Variants in CLYBL observed in about 807,000 individuals in gnomAD.
The protein encoded by CLYBL is citramalyl-CoA lyase, mitochondrial.
CLYBL carries 31 observed loss-of-function variants against 38.9 expected under a neutral mutation model. The ratio of observed to expected loss-of-function variants is 0.80; its 90% CI spans 0.60 to 1.08. The LOEUF is 1.08. Ranked by LOEUF, CLYBL falls within the 50% of genes least tolerant of loss-of-function variation. The pLI is 0.00. For missense variants in CLYBL, 434 were observed against 411.6 expected, an observed-to-expected ratio of 1.05 and a Z score of -0.47; for synonymous variants, 171 against 158.6, an observed-to-expected ratio of 1.08 and a Z score of -0.59.
At chr13:99,733,809 G>A (rs1004386579) in intron 1 of CLYBL, among the ~76,000 whole-genome samples, 2 of 152,208 alleles carry the variant, frequency 1.3e-5, no homozygotes, top group Non-Finnish European at 2.9e-5. Context: ...TGAAAGGTGG[G>A]GAGCAGTGCA....
intron 1 of CLYBL, among the ~76,000 whole-genome samples, chr13:99,681,947 G>A (rs750245989): frequency 3.3e-5 from 5 of 152,014 alleles, no homozygotes; most frequent in Admixed American, 2.6e-4. Flanking sequence ...ATGAGAATAC[G>A]TCTTGAGAAA....
intron 1 of CLYBL, among the ~76,000 whole-genome samples, chr13:99,609,145 G>A (rs1452575473): frequency 1.4e-5 from 2 of 145,924 alleles, no homozygotes; most frequent in East Asian, 2.0e-4. Flanking sequence ...CCTCAGGCTG[G>A]ACAATGTCAA....
intron 1 of CLYBL, among the ~76,000 whole-genome samples, chr13:99,661,030 A>G (rs965051041): frequency 6.6e-6 from 1 of 152,182 alleles, no homozygotes; most frequent in Non-Finnish European, 1.5e-5. Flanking sequence ...AATTTTAGTG[A>G]TTTTAGTAGA....
chr13:99,796,564 GA>G (rs2138917358), intron 2 of CLYBL, among the ~76,000 whole-genome samples: 1 of 152,338 alleles, frequency 6.6e-6, no homozygotes, highest in African/African-American at 2.4e-5. Context: ...ACAGATGACA[GA>G]TAAGGAAAGT....
chr13:99,876,560 T>C (rs1198414164), intron 7 of CLYBL, among the ~76,000 whole-genome samples: 2 of 152,218 alleles, frequency 1.3e-5, no homozygotes, highest in East Asian at 3.8e-4. Context: ...GTTCATATTT[T>C]TCCGGGTTTT....
intron 1 of CLYBL, chr13:99,726,618 G>C (rs560169911): frequency 6.6e-6 from 1 of 152,320 alleles, no homozygotes; most frequent in Non-Finnish European, 1.5e-5. Flanking sequence ...GAAAAGGGAA[G>C]AGCCAGCAGC....
chr13:99,625,552 C>G (rs1223499407), intron 1 of CLYBL, among the ~76,000 whole-genome samples: 1 of 152,136 alleles, frequency 6.6e-6, no homozygotes, highest in Non-Finnish European at 1.5e-5. Context: ...TGGTTTACTA[C>G]TTGATGCGAT....
In CLYBL at chr13:99,870,842, G is replaced by A. The variant is rs2139250541; in HGVS notation, c.803-96G>A. 7.0e-6 allele frequency: 9 copies of A among 1,281,380 alleles called. No individual in the cohort carries two copies. In the South Asian group the frequency reaches 1.2e-4, roughly 16 times the overall value. 79.4% of individuals were successfully genotyped at this position (1,281,380 alleles called of 1,614,324 possible). A position where few individuals can be genotyped will look rare whatever the true frequency, so the allele number is the denominator to read the frequency against. The stretch of plus-strand genomic sequence containing the variant: ...TTTTAAATTAGTTATTTAACATACA[G>A]TCTATGAGGCCTTCAGGAACCTCAC... On this transcript the variant is annotated intron_variant, in intron 6 of 8. Coordinates refer to ENST00000339105, the MANE Select transcript of CLYBL (RefSeq NM_206808.5).
At chr13:99,812,712 CCTGA>C (rs1361702775) in intron 2 of CLYBL, among the ~76,000 whole-genome samples, 1 of 152,174 alleles carries the variant, frequency 6.6e-6, no homozygotes, top group Non-Finnish European at 1.5e-5. Flanking sequence ...CGTGCTGGAC[CCTGA>C]CTGGAGATGG....
In CLYBL at chr13:99,773,417, C is replaced by A. The variant is rs575016787; in HGVS notation, c.249+407C>A. On this transcript the variant is annotated intron_variant, in intron 2 of 8. Transcript: ENST00000339105. ...ACCCAGGAGATGAGCAGTGGGTGAA[C>A]AAGCATTATGGCCTAAGCTCTGCCT... Among the ~76,000 whole-genome samples the A allele has an allele frequency of 9.9e-5, 15 of 152,248 alleles. No individual in the cohort carries two copies. In the South Asian group the frequency reaches 3.1e-3, roughly 32 times the overall value.
chr13:99,785,884 C>T (rs936127869), intron 2 of CLYBL, among the ~76,000 whole-genome samples: 1 of 152,124 alleles, frequency 6.6e-6, no homozygotes, highest in African/African-American at 2.4e-5. Context: ...GCGTGAGCCA[C>T]TGCGCTTGGC....
intron 2 of CLYBL, among the ~76,000 whole-genome samples, chr13:99,820,563 C>T (rs1019799623): frequency 1.3e-5 from 2 of 150,038 alleles, no homozygotes; most frequent in African/African-American, 4.9e-5. Flanking sequence ...TAACCCTCTG[C>T]AGGGATCATT....
At chr13:99,730,622 G>A (rs992755201) in intron 1 of CLYBL, among the ~76,000 whole-genome samples, 28 of 152,162 alleles carry the variant, frequency 1.8e-4, no homozygotes, top group Non-Finnish European at 1.5e-5. Context: ...GGCTCAGGGA[G>A]CAGCAGAGCC....
intron 1 of CLYBL, chr13:99,690,947 G>A (rs1331515475): frequency 2.0e-5 from 3 of 152,138 alleles, no homozygotes. Flanking sequence ...CTCTCACACT[G>A]AGACCTACCG....
At chr13:99,679,034 T>C (rs1026350301) in intron 1 of CLYBL, among the ~76,000 whole-genome samples, 1 of 152,064 alleles carries the variant, frequency 6.6e-6, no homozygotes, top group African/African-American at 2.4e-5. Flanking sequence ...GAGGCTCATG[T>C]CTGTAATCCC....
At position 99,756,658 on chromosome 13, in the gene CLYBL, T is replaced by C. The variant is rs1178267240; in HGVS notation, c.63-16166T>C. On this transcript the variant is annotated intron_variant, in intron 1 of 8. Transcript: ENST00000339105. ...CATTGGCTAGTGTTAGTGTATTTTA[T>C]GTGGAGCCAAGACCGCTCTTCCAGT... is the stretch of plus-strand genomic sequence containing the variant. 2.0e-5 allele frequency among the ~76,000 whole-genome samples: 3 copies of C among 152,170 alleles called. No homozygotes were observed. In the East Asian group the frequency reaches 5.8e-4, roughly 29 times the overall value.
intron 2 of CLYBL, among the ~76,000 whole-genome samples, chr13:99,786,003 C>T (rs1288597043): frequency 6.6e-6 from 1 of 151,946 alleles, no homozygotes; most frequent in Non-Finnish European, 1.5e-5. Context: ...TTGTCTCTGC[C>T]ACGTGTGAAC....
intron 1 of CLYBL, among the ~76,000 whole-genome samples, chr13:99,713,666 T>G (rs570830650): frequency 5.9e-5 from 9 of 151,960 alleles, no homozygotes; most frequent in African/African-American, 2.2e-4. Context: ...GATAGCTTTT[T>G]CATGTTCTCT....
At chr13:99,778,288 C>T (rs896490739) in intron 2 of CLYBL, among the ~76,000 whole-genome samples, 1 of 152,064 alleles carries the variant, frequency 6.6e-6, no homozygotes, top group Non-Finnish European at 1.5e-5. Flanking sequence ...GACATAGAGA[C>T]CATTTTTAGT....
Sources: allele counts gnomAD v4.1 joint callset (sites outside exome capture counted in the v4.1 genomes callset), GRCh38; gene constraint gnomAD v4.1.1; transcripts MANE v1.5; gene names NCBI Gene and HGNC (gene_info 2026-07-23, HGNC 2026-07-21).